The following CACNG2 variants were observed in gnomAD, a reference collection of about 807,000 sequenced individuals.
CACNG2 encodes the protein calcium voltage-gated channel auxiliary subunit gamma 2.
A neutral mutation model predicts 25.9 loss-of-function variants in CACNG2; 3 were observed. That is an observed-to-expected ratio of 0.12 (90% confidence interval 0.05 to 0.30). CACNG2 has a LOEUF of 0.30. CACNG2 is among the 10% of genes least tolerant of loss of function. The pLI, the probability that CACNG2 is intolerant of heterozygous loss-of-function variation, is 1.00. For synonymous variants in CACNG2, 167 were observed against 173.3 expected (o/e 0.96, Z 0.29); for missense variants, 341 against 432.5 (o/e 0.79, Z 1.88).
intron 1 of CACNG2, among the ~76,000 whole-genome samples, chr22:36,628,924 T>G (rs2145956332): frequency 6.6e-6 from 1 of 152,320 alleles, no homozygotes; most frequent in East Asian, 1.9e-4. Context: ...TCATTTTCTC[T>G]TCTTTCTAGG....
At chr22:36,658,581 C>G (rs1289525877) in intron 1 of CACNG2, among the ~76,000 whole-genome samples, 1 of 152,168 alleles carries the variant, frequency 6.6e-6, no homozygotes, top group African/African-American at 2.4e-5. Flanking sequence ...GGGATTTAAG[C>G]CTGTCTTCCT....
Position 36,612,781 on chromosome 22 carries a change from T to C in CACNG2, c.212-25233A>G, listed in dbSNP as rs564466846. The stretch of plus-strand genomic sequence containing the variant: ...TTGCTACCACTTAGCAGATGCCTGA[T>C]ATGTTTTAGCTCAATGAATGAATGA... On this transcript the variant is annotated intron_variant, in intron 1 of 3. Transcript: ENST00000300105. Among the ~76,000 whole-genome samples the C allele has an allele frequency of 3.3e-4, 51 of 152,356 alleles. 1 individual carries two copies. Among genetic ancestry groups the C allele is most frequent in the Middle Eastern group, 3.4e-3 (1 of 294 alleles).
At chr22:36,565,027 C>T (rs1935102984) in intron 3 of CACNG2, 141 bp from the exon 4 acceptor site, 1 of 724,416 alleles carries the variant, frequency 1.4e-6, no homozygotes, top group Non-Finnish European at 2.4e-6. Flanking sequence ...ACAGGTGGGG[C>T]GGTGTAGATG....
chr22:36,610,829 G>A (rs1034795270), intron 1 of CACNG2, among the ~76,000 whole-genome samples: 1 of 152,202 alleles, frequency 6.6e-6, no homozygotes, highest in African/African-American at 2.4e-5. Flanking sequence ...GGGAGAGGTA[G>A]GGGTTCTTGG....
At chr22:36,678,063 G>C (rs371391854) in intron 1 of CACNG2, among the ~76,000 whole-genome samples, 1 of 152,130 alleles carries the variant, frequency 6.6e-6, no homozygotes, top group African/African-American at 2.4e-5. Flanking sequence ...GCCAATGGTC[G>C]CAAAGGAGAG....
intron 1 of CACNG2, among the ~76,000 whole-genome samples, chr22:36,640,675 T>C (rs1374972274): frequency 1.3e-5 from 2 of 152,254 alleles, no homozygotes; most frequent in East Asian, 3.9e-4. Flanking sequence ...CCCAGGTCAC[T>C]GCAGCTGTCT....
intron 1 of CACNG2, among the ~76,000 whole-genome samples, chr22:36,667,904 G>T (rs9607368): frequency 0.014 from 2,193 of 152,012 alleles, 45 homozygotes; most frequent in African/African-American, 0.05. Context: ...GTTCATCCAC[G>T]CTGTTACTTC....
rs145134959 is a variant in CACNG2 at position 36,570,326 on chromosome 22, C to T, written c.296-3833G>A. On this transcript the variant is annotated intron_variant, in intron 2 of 3. Transcript: ENST00000300105. ...AAAGAGCAATGTGGAGGAATCAGAA[C>T]GGCTTCAGAAGCCACCAAGGCAGCG... Among the ~76,000 whole-genome samples the T allele has an allele frequency of 9.2e-5, 14 of 152,320 alleles. No individual in the cohort carries two copies. In the East Asian group the frequency reaches 2.7e-3, roughly 29 times the overall value.
chr22:36,685,359 TC>T (rs1452008353), intron 1 of CACNG2, among the ~76,000 whole-genome samples: 1 of 152,116 alleles, frequency 6.6e-6, no homozygotes, highest in African/African-American at 2.4e-5. Flanking sequence ...TCACGCTCTT[TC>T]CCCACCCTGT....
At chr22:36,576,724 C>G (rs748911951) in intron 2 of CACNG2, among the ~76,000 whole-genome samples, 3 of 152,004 alleles carry the variant, frequency 2.0e-5, no homozygotes, top group African/African-American at 7.3e-5. Flanking sequence ...AGATGCAGCC[C>G]GCTTGGGGTC....
rs143976588 is a variant in CACNG2 at position 36,681,384 on chromosome 22, C to G, written c.211+20982G>C. 6.0e-3 allele frequency among the ~76,000 whole-genome samples: 913 copies of G among 152,260 alleles called. 8 individuals carry two copies. The highest frequency in any genetic ancestry group is 0.021 in the African/African-American group (868 of 41,546). ...GGGAAAAGGGGCACATCTTTTTATT[C>G]AGAGTCGAAAGTTTTTAAAAAGGAA... is the stretch of plus-strand genomic sequence containing the variant. On this transcript the variant is annotated intron_variant, in intron 1 of 3. Coordinates refer to ENST00000300105, the MANE Select transcript of CACNG2 (RefSeq NM_006078.5).
intron 1 of CACNG2, among the ~76,000 whole-genome samples, chr22:36,651,571 G>A (rs1326652565): frequency 6.6e-6 from 1 of 152,082 alleles, no homozygotes; most frequent in East Asian, 1.9e-4. Flanking sequence ...AGTTCATTTT[G>A]AACTGGGCCC....
intron 2 of CACNG2, among the ~76,000 whole-genome samples, chr22:36,575,300 G>A (rs527950475): frequency 1.2e-4 from 19 of 152,278 alleles, no homozygotes; most frequent in African/African-American, 4.1e-4. Flanking sequence ...CTTCTGGAAC[G>A]GGTGGCCTGA....
chr22:36,579,122 C>T (rs953927031), intron 2 of CACNG2, among the ~76,000 whole-genome samples: 4 of 152,014 alleles, frequency 2.6e-5, no homozygotes, highest in African/African-American at 9.7e-5. Context: ...GCTGCCAGCT[C>T]GACTGGGCAT....
intron 1 of CACNG2, among the ~76,000 whole-genome samples, chr22:36,661,485 T>C (rs6000373): frequency 0.1 from 15,714 of 152,080 alleles, 2,698 homozygotes; most frequent in African/African-American, 0.36. Context: ...ACTTGAACCG[T>C]GTGGGGCCTA....
intron 1 of CACNG2, among the ~76,000 whole-genome samples, chr22:36,676,424 C>A (rs985066114): frequency 6.6e-6 from 1 of 152,304 alleles, no homozygotes; most frequent in East Asian, 1.9e-4. Flanking sequence ...GCAGCTGGCA[C>A]ATAGCCCGGT....
At chr22:36,690,903 C>T (rs1937260421) in intron 1 of CACNG2, among the ~76,000 whole-genome samples, 1 of 152,224 alleles carries the variant, frequency 6.6e-6, no homozygotes. Context: ...AGCAATCTCA[C>T]CGTATAATCA....
chr22:36,587,384 G>A (rs1603500929), intron 2 of CACNG2, 81 bp downstream of exon 2: 2 of 1,014,740 alleles, frequency 2.0e-6, no homozygotes, highest in East Asian at 2.4e-5. Flanking sequence ...CCTCTAGGTA[G>A]GCCTGGTCCT....
intron 1 of CACNG2, among the ~76,000 whole-genome samples, chr22:36,609,858 G>A (rs2145940020): frequency 6.8e-6 from 1 of 147,554 alleles, no homozygotes; most frequent in African/African-American, 2.5e-5. Context: ...GATCGAGCAG[G>A]AATCAGCCCC....
Sources: gnomAD v4.1 joint callset for allele counts (sites outside exome capture counted in the v4.1 genomes callset) on GRCh38, gnomAD v4.1.1 for gene constraint, MANE v1.5 for transcripts, NCBI Gene and HGNC (gene_info 2026-07-23, HGNC 2026-07-21) for gene names.